FAXDC2: variants seen among roughly 807,000 people sequenced by gnomAD.
FAXDC2 encodes the protein fatty acid hydroxylase domain containing 2.
A neutral mutation model predicts 40.9 loss-of-function variants in FAXDC2; 41 were observed. That is an observed-to-expected ratio of 1.00 (90% CI 0.78 to 1.30). The LOEUF is 1.30. Among genes scored for constraint, FAXDC2 ranks in the 50% most tolerant of loss-of-function variants. The probability of loss-of-function intolerance (pLI) is 0.00; values close to 1 mark genes in which losing one functional copy is unlikely to be tolerated. For synonymous variants in FAXDC2, 157 were observed against 149.3 expected (o/e 1.05, Z -0.38); for missense variants, 390 against 408.8 (o/e 0.95, Z 0.40).
intron 2 of FAXDC2, 22 bp downstream of exon 2, chr5:154,838,109 G>C (rs1395458894): frequency 6.5e-7 from 1 of 1,533,056 alleles, no homozygotes; most frequent in Admixed American, 1.7e-5. Context: ...CACCAGTTTG[G>C]GGGCAAGGTG....
chr5:154,841,463 C>G (rs1346141206), intron 1 of FAXDC2, among the ~76,000 whole-genome samples: 1 of 152,138 alleles, frequency 6.6e-6, no homozygotes, highest in Non-Finnish European at 1.5e-5. Context: ...AGAAGGACAG[C>G]TGAGCAAGCA....
chr5:154,820,974 C>T (rs1759872827), intron 8 of FAXDC2: 1 of 366,116 alleles, frequency 2.7e-6, no homozygotes, highest in South Asian at 4.1e-5. Flanking sequence ...TTGTGATTGC[C>T]TGCAGGAGTT....
At chr5:154,825,253 A>T (rs1759997652) in intron 5 of FAXDC2, among the ~76,000 whole-genome samples, 1 of 151,798 alleles carries the variant, frequency 6.6e-6, no homozygotes. Context: ...AGTCCCAGCT[A>T]CTCGGGAGGC....
chr5:154,831,685 T>C (rs1760196220), intron 4 of FAXDC2, among the ~76,000 whole-genome samples: 1 of 152,104 alleles, frequency 6.6e-6, no homozygotes, highest in South Asian at 2.1e-4. Flanking sequence ...TCAACCGAAG[T>C]AACTGTGGCG....
chr5:154,830,666 A>T (rs2113141303), intron 5 of FAXDC2, 135 bp downstream of exon 5: 1 of 1,000,866 alleles, frequency 1.0e-6, no homozygotes, highest in East Asian at 2.5e-5. Context: ...TTAACCTTCT[A>T]AACTGGGGGA....
At chr5:154,840,391 A>T (rs984675504) in intron 1 of FAXDC2, among the ~76,000 whole-genome samples, 6 of 151,678 alleles carry the variant, frequency 4.0e-5, no homozygotes, top group South Asian at 2.1e-4. Flanking sequence ...CCTTTTTTTT[A>T]AATTGATTTT....
At chr5:154,840,067 T>C (rs2113161876) in intron 1 of FAXDC2, among the ~76,000 whole-genome samples, 1 of 152,332 alleles carries the variant, frequency 6.6e-6, no homozygotes, top group East Asian at 1.9e-4. Flanking sequence ...CCAGAGTCTA[T>C]AGATGATAAG....
intron 4 of FAXDC2, among the ~76,000 whole-genome samples, chr5:154,833,409 C>T (rs1760241849): frequency 6.8e-6 from 1 of 146,632 alleles, no homozygotes; most frequent in East Asian, 2.1e-4. Context: ...GCAGTGGCAC[C>T]ATCTCGGCTC....
In FAXDC2 at chr5:154,830,895, A is replaced by G; in HGVS notation, c.272T>C (p.Phe91Ser). 6.2e-7 allele frequency: 1 copy of G among 1,614,156 alleles called. No individual in the cohort carries two copies. The change falls in exon 5 of 9, where the codon TTC becomes TCC. Residue 91 changes from phenylalanine to serine, a missense_variant. Physicochemically the swap from Phe to Ser is radical, Grantham distance 155. Transcript: ENST00000326080. Reference protein sequence around the residue: ...IGAIQVPCLFFWSFNGLLLVV... With the variant: ...IGAIQVPCLFSWSFNGLLLVV... ...CAATAGAAGCCCATTGAAGCTCCAGAAGAAGAGACAAGGCACTTGGATGGC... is the reference window on the plus strand; with the variant it reads ...CAATAGAAGCCCATTGAAGCTCCAGGAGAAGAGACAAGGCACTTGGATGGC...
Position 154,833,666 on chromosome 5 carries a change from T to C in FAXDC2, c.244+959A>G, listed in dbSNP as rs553247950. 1.1e-4 allele frequency among the ~76,000 whole-genome samples: 16 copies of C among 148,610 alleles called. No homozygotes were observed. In the South Asian group the frequency reaches 3.2e-3, roughly 30 times the overall value. ...ACTGTGCCCAGCCCCATCTTAAATA[T>C]TTCTTTCTTTCTTTTTTTTTTGAGA... is the stretch of plus-strand genomic sequence containing the variant. On this transcript the variant is annotated intron_variant, in intron 4 of 8. Coordinates refer to ENST00000326080, the MANE Select transcript of FAXDC2 (RefSeq NM_032385.5).
intron 1 of FAXDC2, among the ~76,000 whole-genome samples, chr5:154,842,046 T>C (rs927171069): frequency 6.6e-6 from 1 of 151,130 alleles, no homozygotes; most frequent in Non-Finnish European, 1.5e-5. Context: ...CTTGTGTCAT[T>C]TTCAGCCTGG....
At chr5:154,824,269 G>A (rs987996945) in intron 5 of FAXDC2, 1 of 568,382 alleles carries the variant, frequency 1.8e-6, no homozygotes, top group Non-Finnish European at 3.1e-6. Context: ...CCCAGAATCA[G>A]CAACCCTTTG....
intron 1 of FAXDC2, among the ~76,000 whole-genome samples, chr5:154,845,971 TA>T (rs1459442855): frequency 8.0e-5 from 12 of 150,884 alleles, no homozygotes; most frequent in African/African-American, 2.9e-4. Flanking sequence ...TATATATATA[TA>T]TATTTTTTTT....
intron 4 of FAXDC2, among the ~76,000 whole-genome samples, chr5:154,832,651 G>A (rs1459903870): frequency 1.3e-5 from 2 of 152,144 alleles, no homozygotes; most frequent in South Asian, 2.1e-4. Context: ...ACCGTAAGAC[G>A]ATCTTAAACT....
At chr5:154,847,544 A>G (rs1444847574) in intron 1 of FAXDC2, among the ~76,000 whole-genome samples, 2 of 145,752 alleles carry the variant, frequency 1.4e-5, no homozygotes, top group East Asian at 4.0e-4. Context: ...CTGGAGTGCA[A>G]TGGCATGACC....
chr5:154,823,530 A>G lies in FAXDC2; in HGVS notation c.429T>C (p.Ser143=). The G allele has an allele frequency of 6.2e-7, 1 of 1,614,214 alleles. No homozygotes were observed. The highest frequency in any genetic ancestry group is 1.1e-5 in the South Asian group (1 of 91,084). ...GATAGAGGAAGACCACCATGGGGAAAGATATCATGCACTGGTTGAAAAGAA... is the reference window on the plus strand; with the variant it reads ...GATAGAGGAAGACCACCATGGGGAAGGATATCATGCACTGGTTGAAAAGAA... ...RTVLFNQCMI[S]FPMVVFLYPF... Residue 143 remains serine, a synonymous_variant, in exon 6 of 9, where the codon TCT becomes TCC. Transcript: ENST00000326080.
At chr5:154,822,448 T>G in intron 7 of FAXDC2, 24 bp downstream of exon 7, 4 of 1,561,336 alleles carry the variant, frequency 2.6e-6, no homozygotes, top group Non-Finnish European at 3.5e-6. Context: ...CCCTTTGCTC[T>G]GGGGAGCATA....
At chr5:154,838,325 A>C in intron 1 of FAXDC2, 147 bp from the exon 2 acceptor site, 1 of 690,956 alleles carries the variant, frequency 1.4e-6, no homozygotes, top group Admixed American at 3.0e-5. Context: ...AACCAGACAA[A>C]TTGATTTGAA....
chr5:154,841,247 G>A (rs977636609), intron 1 of FAXDC2, among the ~76,000 whole-genome samples: 4 of 152,134 alleles, frequency 2.6e-5, no homozygotes, highest in African/African-American at 7.2e-5. Context: ...TTGACTGACA[G>A]CAAGGGAAGC....
Sources: allele counts gnomAD v4.1 joint callset (sites outside exome capture counted in the v4.1 genomes callset), GRCh38; gene constraint gnomAD v4.1.1; transcripts MANE v1.5; gene names NCBI Gene and HGNC (gene_info 2026-07-23, HGNC 2026-07-21).